The following CDH2 variants were observed in gnomAD, a reference collection of about 807,000 sequenced individuals.
CDH2 encodes the protein cadherin-2.
Under a neutral mutation model 92.0 loss-of-function variants are expected in CDH2, and 17 were observed. The ratio of observed to expected loss-of-function variants is 0.18; its 90% CI spans 0.13 to 0.28. CDH2 has a LOEUF of 0.28. Ranked by LOEUF, CDH2 falls within the 10% of genes least tolerant of loss-of-function variation. CDH2 has a pLI of 1.00. For synonymous variants in CDH2, 419 were observed against 415.9 expected, an observed-to-expected ratio of 1.01 and a Z score of -0.09; for missense variants, 862 against 1,133.1, an observed-to-expected ratio of 0.76 and a Z score of 3.44.
chr18:28,118,225 T>C (rs1331467613), intron 2 of CDH2, among the ~76,000 whole-genome samples: 2 of 151,962 alleles, frequency 1.3e-5, no homozygotes, highest in Admixed American at 6.6e-5. Context: ...GAGAGCAGTT[T>C]GAGATGGAAA....
chr18:27,942,593 T>G (rs1198160173), intron 6 of CDH2, among the ~76,000 whole-genome samples: 1 of 152,138 alleles, frequency 6.6e-6, no homozygotes, highest in African/African-American at 2.4e-5. Flanking sequence ...CAAGAGTTAG[T>G]ATATTAGAAA....
At chr18:28,007,505 C>T (rs1024907257) in intron 5 of CDH2, among the ~76,000 whole-genome samples, 1 of 152,002 alleles carries the variant, frequency 6.6e-6, no homozygotes, top group Admixed American at 6.5e-5. Flanking sequence ...TTTTTAAATT[C>T]AGAGGTTATT....
intron 2 of CDH2, among the ~76,000 whole-genome samples, chr18:28,112,538 A>G (rs946812293): frequency 3.3e-5 from 5 of 152,352 alleles, no homozygotes; most frequent in Admixed American, 6.5e-5. Flanking sequence ...CGCACTTAAA[A>G]TAAGTTAACA....
At chr18:27,988,762 G>T in intron 10 of CDH2, 96 bp from the exon 11 acceptor site, 1 of 862,734 alleles carries the variant, frequency 1.2e-6, no homozygotes, top group Non-Finnish European at 1.8e-6. Context: ...TCATTAACTT[G>T]CATTTCTGTA....
intron 6 of CDH2, among the ~76,000 whole-genome samples, chr18:27,940,941 C>T (rs1598976189): frequency 6.6e-6 from 1 of 152,130 alleles, no homozygotes; most frequent in South Asian, 2.1e-4. Context: ...CTGGGTTGTG[C>T]CATCAGTACA....
At chr18:28,090,985 G>T (rs1413387375) in intron 2 of CDH2, among the ~76,000 whole-genome samples, 1 of 152,168 alleles carries the variant, frequency 6.6e-6, no homozygotes. Flanking sequence ...GTCTCTACAA[G>T]ATAATACCTA....
rs765684003 is a variant in CDH2 at position 27,952,180 on chromosome 18, A to G, written c.2694T>C (p.Ala898=). 1 of 1,613,666 alleles carries G rather than the reference A, an allele frequency of 6.2e-7. No homozygotes were observed. Among genetic ancestry groups the G allele is most frequent in the South Asian group, 1.1e-5 (1 of 91,078 alleles). ...AGTCATCACCTCCACCATACATGTC[A>G]GCAAGTTTCTTGAACCGTGGCCCCC... ...NDWGPRFKKL[A]DMYGGGDD is the part of the protein sequence containing the mutation. The change falls in exon 16 of 16, where the codon GCT becomes GCC. Residue 898 remains alanine (A), a synonymous_variant. Transcript: ENST00000269141.
intron 2 of CDH2, among the ~76,000 whole-genome samples, chr18:28,063,681 A>C (rs2014449513): frequency 6.6e-6 from 1 of 152,222 alleles, no homozygotes; most frequent in Non-Finnish European, 1.5e-5. Flanking sequence ...TGAACCCGGT[A>C]ATGATCTACA....
At chr18:28,097,279 A>G (rs1329277801) in intron 2 of CDH2, 1 of 152,120 alleles carries the variant, frequency 6.6e-6, no homozygotes, top group Non-Finnish European at 1.5e-5. Flanking sequence ...CCAAAAAGGG[A>G]TTGAAAATGG....
At chr18:27,944,493 T>C (rs980944030) in intron 6 of CDH2, among the ~76,000 whole-genome samples, 1 of 152,098 alleles carries the variant, frequency 6.6e-6, no homozygotes, top group Admixed American at 6.6e-5. Flanking sequence ...ATATCAAATA[T>C]ATGTTGGCTT....
At chr18:28,001,928 G>T (rs1053405045) in intron 7 of CDH2, among the ~76,000 whole-genome samples, 4 of 152,206 alleles carry the variant, frequency 2.6e-5, no homozygotes, top group Admixed American at 6.5e-5. Context: ...ATTGCAGTGG[G>T]TATAATGTCT....
Position 28,104,567 on chromosome 18 carries a change from A to C in CDH2, c.172+43106T>G, listed in dbSNP as rs563090183. Among the ~76,000 whole-genome samples the C allele has an allele frequency of 2.6e-5, 4 of 151,642 alleles. No individual in the cohort carries two copies. In the South Asian group the frequency reaches 8.4e-4, roughly 32 times the overall value. ...GTCCTAAAAATGGGTGAGAAGTGTA[A>C]GTAAAATTATCTTTATCCAAGATAA... On this transcript the variant is annotated intron_variant, in intron 2 of 15. Coordinates refer to ENST00000269141, the MANE Select transcript of CDH2 (RefSeq NM_001792.5).
intron 2 of CDH2, among the ~76,000 whole-genome samples, chr18:28,060,665 C>T (rs1407384938): frequency 6.6e-6 from 1 of 152,132 alleles, no homozygotes; most frequent in Non-Finnish European, 1.5e-5. Context: ...CAATTAGTAA[C>T]CTTGTTAGTA....
Position 28,171,096 on chromosome 18 carries a change from T to C in CDH2, c.60+5867A>G, listed in dbSNP as rs192102015. 2.8e-3 allele frequency among the ~76,000 whole-genome samples: 427 copies of C among 152,098 alleles called. 1 individual carries two copies. Among genetic ancestry groups the C allele is most frequent in the African/African-American group, 9.9e-3 (411 of 41,490 alleles). On this transcript the variant is annotated intron_variant, in intron 1 of 15. Transcript: ENST00000269141. Reference sequence around the variant, plus strand: ...TAAATATACAAAAATTAGCTGGGCATGGTGGCACACGTAATCCCAGCTACA... The same window carrying C: ...TAAATATACAAAAATTAGCTGGGCACGGTGGCACACGTAATCCCAGCTACA...
chr18:28,060,593 TTCTTTC>T (rs903287459), intron 2 of CDH2, among the ~76,000 whole-genome samples: 2 of 152,242 alleles, frequency 1.3e-5, no homozygotes, highest in Non-Finnish European at 2.9e-5. Context: ...AAGCACTTGA[TTCTTTC>T]TCTTTATCTT....
intron 2 of CDH2, among the ~76,000 whole-genome samples, chr18:28,022,200 T>C (rs545328472): frequency 4.2e-4 from 64 of 152,154 alleles, no homozygotes; most frequent in African/African-American, 1.4e-3. Flanking sequence ...ATTTTTTTTT[T>C]CTAGAATAAT....
chr18:27,941,087 G>C (rs1380740446), intron 6 of CDH2, among the ~76,000 whole-genome samples: 1 of 147,636 alleles, frequency 6.8e-6, no homozygotes, highest in Non-Finnish European at 1.5e-5. Context: ...CCAGGCTGGA[G>C]TGCAGTGGTG....
intron 2 of CDH2, among the ~76,000 whole-genome samples, chr18:28,102,653 T>A (rs573745274): frequency 6.6e-6 from 1 of 152,280 alleles, no homozygotes; most frequent in South Asian, 2.1e-4. Flanking sequence ...AGCCACTTAA[T>A]GTAAATTAAA....
chr18:28,048,835 T>C (rs1223789614), intron 2 of CDH2, among the ~76,000 whole-genome samples: 24 of 152,048 alleles, frequency 1.6e-4, no homozygotes, highest in Non-Finnish European at 2.9e-5. Context: ...CCATCAGACA[T>C]TGGGAGTTTG....
Sources: gnomAD v4.1 joint callset for allele counts (sites outside exome capture counted in the v4.1 genomes callset) on GRCh38, gnomAD v4.1.1 for gene constraint, MANE v1.5 for transcripts, NCBI Gene and HGNC (gene_info 2026-07-23, HGNC 2026-07-21) for gene names.